BFSP1: variants seen among roughly 807,000 people sequenced by gnomAD.
The protein encoded by BFSP1 is beaded filament structural protein 1, also known as filensin.
In BFSP1, 38 loss-of-function variants were observed where a neutral mutation model predicts 43.9. That is an observed-to-expected ratio of 0.87 (90% CI 0.67 to 1.14). The LOEUF (loss-of-function observed/expected upper bound fraction) is 1.14, where lower values mean the gene tolerates loss of function less well. Among genes scored for constraint, BFSP1 ranks in the 50% most tolerant of loss-of-function variants. The probability of loss-of-function intolerance (pLI) is 0.00; values close to 1 mark genes in which losing one functional copy is unlikely to be tolerated. For synonymous variants in BFSP1, 352 were observed against 354.8 expected (o/e 0.99, Z 0.09); for missense variants, 850 against 875.1 (o/e 0.97, Z 0.36).
chr20:17,559,136 G>A (rs1423394474), upstream of BFSP1, among the ~76,000 whole-genome samples: 1 of 152,032 alleles, frequency 6.6e-6, no homozygotes, highest in Non-Finnish European at 1.5e-5. Context: ...TTGATCTCTT[G>A]TGTCAATCAG....
At chr20:17,560,177 A>C (rs2122125449), upstream of BFSP1, among the ~76,000 whole-genome samples, 1 of 152,158 alleles carries the variant, frequency 6.6e-6, no homozygotes. Context: ...CAGGGAGGAA[A>C]CCCATTACAT....
rs753183166 is a variant in BFSP1, at chr20:17,514,720, C to T, written c.534+1G>A. ...GAAGGGCTTCAAGGGGTCATGATTACCTTCTTGTGCCTGTCCTTTGCCGCA... is the reference window on the plus strand; with the variant it reads ...GAAGGGCTTCAAGGGGTCATGATTATCTTCTTGTGCCTGTCCTTTGCCGCA... On this transcript the variant is annotated splice_donor_variant, in intron 3 of 7. Coordinates refer to ENST00000377873, the MANE Select transcript of BFSP1 (RefSeq NM_001195.5). LOFTEE classifies it high-confidence loss of function. 6.2e-7 allele frequency: 1 copy of T among 1,613,780 alleles called. No individual in the cohort carries two copies. Among genetic ancestry groups the T allele is most frequent in the Non-Finnish European group, 8.5e-7 (1 of 1,179,740 alleles).
chr20:17,539,059 G>A (rs534591131), intron 1 of BFSP1, among the ~76,000 whole-genome samples: 7 of 145,020 alleles, frequency 4.8e-5, no homozygotes, highest in Non-Finnish European at 9.0e-5. Flanking sequence ...TTAGGAGATA[G>A]ATCCCAAGGA....
rs1470011503 is a variant in BFSP1, at chr20:17,507,897, T to C, written c.735+992A>G. Among the ~76,000 whole-genome samples, 2 of 152,080 alleles carry C rather than the reference T, an allele frequency of 1.3e-5. No individual in the cohort carries two copies. The highest frequency in any genetic ancestry group is 6.6e-5 in the Admixed American group (1 of 15,264). On this transcript the variant is annotated intron_variant, in intron 5 of 7. Coordinates refer to ENST00000377873, the MANE Select transcript of BFSP1 (RefSeq NM_001195.5). The surrounding 1 kb of genome is among the most constrained non-coding windows in gnomAD (Gnocchi z 4.4). ...GAGCTGCTGCACTGTGAGTTTTGTG[T>C]GGTGCGTGCTGGGATGGGAATTAGG...
At chr20:17,561,170 G>A (rs143024248), upstream of BFSP1, among the ~76,000 whole-genome samples, 54 of 152,082 alleles carry the variant, frequency 3.6e-4, no homozygotes, top group East Asian at 9.6e-3. Flanking sequence ...TTCTTTCTCC[G>A]GAAGTACAAC....
At chr20:17,508,516 C>G (rs779420813) in intron 5 of BFSP1, among the ~76,000 whole-genome samples, 4 of 152,118 alleles carry the variant, frequency 2.6e-5, no homozygotes, top group African/African-American at 9.7e-5. Flanking sequence ...CTATGGTGTC[C>G]GTTTCTTCTT....
intron 1 of BFSP1, among the ~76,000 whole-genome samples, chr20:17,546,225 A>T (rs1478697719): frequency 6.6e-6 from 1 of 152,198 alleles, no homozygotes; most frequent in South Asian, 2.1e-4. Flanking sequence ...CATGTCTTAC[A>T]TTGTGACAGG....
intron 7 of BFSP1, among the ~76,000 whole-genome samples, chr20:17,495,240 A>C (rs1328566522): frequency 6.6e-6 from 1 of 152,204 alleles, no homozygotes; most frequent in African/African-American, 2.4e-5. Context: ...GACTCTGGAC[A>C]AGTCACTGGA....
chr20:17,547,026 CAA>C lies in BFSP1; in HGVS notation c.2+11660_2+11661del, dbSNP rs11324389. ...TGTGTGACAGAGCAAGACTCCATCT[CAA>C]AAAAAAAAAAAAAAAAAAAGATTTG... On this transcript the variant is annotated intron_variant, in intron 1 of 7. Transcript: ENST00000377868. Among the ~76,000 whole-genome samples the C allele has an allele frequency of 5.0e-3, 386 of 77,574 alleles. 2 individuals carry two copies. The highest frequency in any genetic ancestry group is 0.021 in the Middle Eastern group (3 of 146). 50.9% of individuals were successfully genotyped at this position (77,574 alleles called of 152,430 possible). A position where few individuals can be genotyped will look rare whatever the true frequency, so the allele number is the denominator to read the frequency against.
At chr20:17,497,552 A>G (rs13041848) in intron 6 of BFSP1, among the ~76,000 whole-genome samples, 1 of 53,630 alleles carries the variant, frequency 1.9e-5, no homozygotes, top group Non-Finnish European at 3.2e-5. Flanking sequence ...GTGTGTATAT[A>G]TGTATATGTG....
At chr20:17,566,304 G>A (rs1021919887) in intron 1 of BFSP1, among the ~76,000 whole-genome samples, 1 of 152,002 alleles carries the variant, frequency 6.6e-6, no homozygotes, top group Non-Finnish European at 1.5e-5. Flanking sequence ...CAGGCTCCTC[G>A]TTAATGTATC....
chr20:17,562,419 C>T (rs1295993095), upstream of BFSP1, among the ~76,000 whole-genome samples: 6 of 148,194 alleles, frequency 4.0e-5, no homozygotes, highest in African/African-American at 7.5e-5. Flanking sequence ...CCCAGCTACT[C>T]GGGAGGCTGA....
chr20:17,511,264 A>C (rs548293396), intron 4 of BFSP1, among the ~76,000 whole-genome samples: 1 of 152,318 alleles, frequency 6.6e-6, no homozygotes, highest in South Asian at 2.1e-4. Flanking sequence ...TCCAAATCTT[A>C]ATTTTTACAA....
chr20:17,514,091 G>C (rs1263473456), intron 3 of BFSP1, among the ~76,000 whole-genome samples: 2 of 152,198 alleles, frequency 1.3e-5, no homozygotes, highest in Non-Finnish European at 2.9e-5. Flanking sequence ...AGAGCCCCTG[G>C]AGAGGGAAGC....
At chr20:17,539,285 A>G (rs1436873344) in intron 1 of BFSP1, among the ~76,000 whole-genome samples, 1 of 150,726 alleles carries the variant, frequency 6.6e-6, no homozygotes, top group Non-Finnish European at 1.5e-5. Flanking sequence ...TAATTTTTAA[A>G]CTGTTTCATA....
At chr20:17,502,280 C>T (rs952598864) in intron 5 of BFSP1, among the ~76,000 whole-genome samples, 4 of 152,122 alleles carry the variant, frequency 2.6e-5, no homozygotes, top group Admixed American at 6.5e-5. Flanking sequence ...AGCCACATAA[C>T]GAAATACTCA....
intron 6 of BFSP1, among the ~76,000 whole-genome samples, chr20:17,497,558 ATG>A (rs375706515): frequency 4.2e-4 from 16 of 37,790 alleles, no homozygotes; most frequent in Admixed American, 9.5e-4. Context: ...ATATATGTAT[ATG>A]TGTGTGTATA....
chr20:17,558,716 T>C (rs748357787), exon 1 of BFSP1: 1 of 1,551,822 alleles, frequency 6.4e-7, no homozygotes, highest in African/African-American at 1.4e-5. Flanking sequence ...AGGCTCCTTC[T>C]GTGAAATTTG....
At chr20:17,503,863 T>C (rs1243619983) in intron 5 of BFSP1, among the ~76,000 whole-genome samples, 1 of 152,240 alleles carries the variant, frequency 6.6e-6, no homozygotes, top group Non-Finnish European at 1.5e-5. Context: ...CAGAGACCTC[T>C]CCTTGCAGGT....
Sources: allele counts gnomAD v4.1 joint callset (sites outside exome capture counted in the v4.1 genomes callset), GRCh38; gene constraint gnomAD v4.1.1; non-coding constraint Gnocchi (gnomAD v3.1); transcripts MANE v1.5; gene names NCBI Gene and HGNC (gene_info 2026-07-23, HGNC 2026-07-21).